The following LPA variants were observed in gnomAD, a reference collection of about 807,000 sequenced individuals.
LPA encodes the protein lipoprotein(a).
In LPA, 199 loss-of-function variants were observed where a neutral mutation model predicts 197.9. The observed-to-expected ratio is 1.01, with a 90% confidence interval of 0.90 to 1.13. LPA has a LOEUF of 1.13. LPA is among the 50% of genes most tolerant of loss of function. LPA has a pLI of 0.00. For synonymous variants in LPA, 715 were observed against 639.5 expected (o/e 1.12, Z -1.78); for missense variants, 1,853 against 1,785.8 (o/e 1.04, Z -0.68).
intron 2 of LPA, among the ~76,000 whole-genome samples, chr6:160,648,256 T>C (rs1779939577): frequency 6.6e-6 from 1 of 152,228 alleles, no homozygotes; most frequent in South Asian, 2.1e-4. Flanking sequence ...TCCCGTTCCT[T>C]ACGAGATTTT....
chr6:160,593,934 T>C, intron 22 of LPA, 24 bp downstream of exon 22: 1 of 1,612,740 alleles, frequency 6.2e-7, no homozygotes, highest in South Asian at 1.1e-5. Context: ...GCTGTCTGTC[T>C]TTGAAGAAAA....
Position 160,606,649 on chromosome 6 carries a change from G to A in LPA, c.2613C>T (p.Ile871=), listed in dbSNP as rs759225410. The A allele has an allele frequency of 1.2e-6, 2 of 1,613,854 alleles. No individual in the cohort carries two copies. The change falls in exon 17 of 39, where the codon ATC becomes ATT. Residue 871 remains isoleucine, a synonymous_variant. Coordinates refer to ENST00000316300, the MANE Select transcript of LPA (RefSeq NM_005577.4). ...GATCTGGATTCCTGCAGTAGTTCAT[G>A]ATCAAGCCACTGGAAATTCCAAAAC... is the stretch of plus-strand genomic sequence containing the variant. ...TPEYYPNAGL[I]MNYCRNPDPV...
intron 35 of LPA, 29 bp downstream of exon 35, chr6:160,541,078 A>T: frequency 6.3e-7 from 1 of 1,597,910 alleles, no homozygotes; most frequent in Non-Finnish European, 8.6e-7. Context: ...TGAAGATAAG[A>T]CCCCATGTCA....
chr6:160,652,811 C>G (rs1780030713), intron 1 of LPA, among the ~76,000 whole-genome samples: 1 of 151,932 alleles, frequency 6.6e-6, no homozygotes, highest in African/African-American at 2.4e-5. Context: ...TGTAAGATTT[C>G]TATATATCCA....
intron 1 of LPA, among the ~76,000 whole-genome samples, chr6:160,654,316 A>ATTT (rs1356991396): frequency 6.7e-6 from 1 of 149,050 alleles, no homozygotes; most frequent in Non-Finnish European, 1.5e-5. Flanking sequence ...GTCTTTTCAC[A>ATTT]TTTTTCTCCC....
chr6:160,615,435 C>A (rs1779580945), intron 14 of LPA, among the ~76,000 whole-genome samples: 1 of 112,100 alleles, frequency 8.9e-6, no homozygotes, highest in Admixed American at 8.0e-5. Flanking sequence ...ATGTTTTCCT[C>A]TGAAACGTCT....
chr6:160,586,067 C>T (rs1778904602), intron 25 of LPA, among the ~76,000 whole-genome samples: 1 of 152,170 alleles, frequency 6.6e-6, no homozygotes, highest in South Asian at 2.1e-4. Context: ...AATGGTAAAG[C>T]TGAAGACTGC....
At chr6:160,587,625 G>A (rs899488777) in intron 24 of LPA, among the ~76,000 whole-genome samples, 24 of 151,994 alleles carry the variant, frequency 1.6e-4, no homozygotes, top group South Asian at 6.2e-4. Context: ...AGCCATCATC[G>A]CTTCAAGTAT....
intron 4 of LPA, among the ~76,000 whole-genome samples, chr6:160,643,239 C>CT (rs1482790339): frequency 2.1e-5 from 2 of 95,054 alleles, no homozygotes; most frequent in African/African-American, 9.0e-5. Flanking sequence ...TATACTACCT[C>CT]TTTAATTTAA....
intron 33 of LPA, among the ~76,000 whole-genome samples, chr6:160,544,215 C>G (rs949517264): frequency 6.6e-6 from 1 of 152,042 alleles, no homozygotes; most frequent in Non-Finnish European, 1.5e-5. Flanking sequence ...TCAAGGCAGC[C>G]TGTCAAGGAT....
intron 18 of LPA, among the ~76,000 whole-genome samples, chr6:160,603,783 T>C (rs1014011798): frequency 6.6e-6 from 1 of 152,230 alleles, no homozygotes; most frequent in Admixed American, 6.5e-5. Context: ...TTGGAAATGA[T>C]TTTAATGCTT....
At chr6:160,586,388 T>C in intron 25 of LPA, 61 bp downstream of exon 25, 2 of 1,591,586 alleles carry the variant, frequency 1.3e-6, no homozygotes, top group African/African-American at 1.3e-5. Context: ...ATCACAAAGA[T>C]TTTGCAAATC....
rs911378177 is a variant in LPA, at chr6:160,586,606, C to T, written c.3972G>A (p.Arg1324=). ...AAGGGCGAATCTCAGCATCTGGATT[C>T]CTGCAGTAGTTCCTGGTCAGGCCAC... ...PNGGLTRNYC[R]NPDAEIRPWC... is the part of the protein sequence containing the mutation. Residue 1324 remains arginine, a synonymous_variant, in exon 25 of 39, where the codon AGG becomes AGA. Coordinates refer to ENST00000316300, the MANE Select transcript of LPA (RefSeq NM_005577.4). 3 of 1,613,596 alleles carry T rather than the reference C, an allele frequency of 1.9e-6. No individual in the cohort carries two copies. The highest frequency in any genetic ancestry group is 2.5e-6 in the Non-Finnish European group (3 of 1,179,790).
At chr6:160,543,461 T>C (rs1252855234) in intron 33 of LPA, among the ~76,000 whole-genome samples, 2 of 152,120 alleles carry the variant, frequency 1.3e-5, no homozygotes, top group African/African-American at 4.8e-5. Context: ...TAATTATTAA[T>C]AACAACTGCA....
At chr6:160,592,908 T>G (rs773318546) in intron 22 of LPA, among the ~76,000 whole-genome samples, 2 of 152,210 alleles carry the variant, frequency 1.3e-5, no homozygotes, top group African/African-American at 4.8e-5. Flanking sequence ...CAGTGCTATG[T>G]GAGCTCTAGC....
chr6:160,559,865 C>T (rs541010025), intron 28 of LPA, among the ~76,000 whole-genome samples: 24 of 152,176 alleles, frequency 1.6e-4, no homozygotes, highest in Non-Finnish European at 1.0e-4. Flanking sequence ...TAGGTATACA[C>T]GTGTCATGGT....
intron 20 of LPA, among the ~76,000 whole-genome samples, chr6:160,598,532 T>A (rs1369505259): frequency 2.0e-5 from 3 of 152,204 alleles, no homozygotes; most frequent in African/African-American, 7.2e-5. Flanking sequence ...CTAGCATCTG[T>A]TGTTCAACAT....
At chr6:160,608,819 T>TTGTGTGTGTGTG (rs10526739) in intron 16 of LPA, among the ~76,000 whole-genome samples, 140 of 149,462 alleles carry the variant, frequency 9.4e-4, no homozygotes, top group African/African-American at 1.7e-3. Context: ...TTCTTGAGGG[T>TTGTGTGTGTGTG]TGTGTGTGTG....
chr6:160,646,218 T>C lies in LPA; in HGVS notation c.387A>G (p.Glu129=), dbSNP rs1190274387. Residue 129 remains glutamate, a synonymous_variant, in exon 3 of 39, where the codon GAA becomes GAG. Coordinates refer to ENST00000316300, the MANE Select transcript of LPA (RefSeq NM_005577.4). ...TPVPSLEAPS[E]QAPTEQRPGV... ...GTCTGGCCACAGACTCCTTACCTTG[T>C]TCGGAAGGAGCCTCTAGGCTTGGAA... 2.0e-4 allele frequency: 1 copy of C among 4,912 alleles called. No individual in the cohort carries two copies. The highest frequency in any genetic ancestry group is 3.8e-4 in the Non-Finnish European group (1 of 2,662). 0.3% of individuals were successfully genotyped at this position (4,912 alleles called of 1,614,324 possible). A position where few individuals can be genotyped will look rare whatever the true frequency, so the allele number is the denominator to read the frequency against.
Sources: allele counts gnomAD v4.1 joint callset (sites outside exome capture counted in the v4.1 genomes callset), GRCh38; gene constraint gnomAD v4.1.1; transcripts MANE v1.5; gene names NCBI Gene and HGNC (gene_info 2026-07-23, HGNC 2026-07-21).